The following A3GALT2 variants were observed in gnomAD, a reference collection of about 807,000 sequenced individuals.
The protein encoded by A3GALT2 is alpha-1,3-galactosyltransferase 2.
A neutral mutation model predicts 16.6 loss-of-function variants in A3GALT2; 14 were observed. That is an observed-to-expected ratio of 0.84 (90% CI 0.56 to 1.32). The LOEUF is 1.32. Among genes scored for constraint, A3GALT2 ranks in the 40% most tolerant of loss-of-function variants. A3GALT2 has a pLI of 0.00. For synonymous variants in A3GALT2, 253 were observed against 218.0 expected, an observed-to-expected ratio of 1.16 and a Z score of -1.42; for missense variants, 600 against 490.9, an observed-to-expected ratio of 1.22 and a Z score of -2.10.
At chr1:33,314,864 A>C (rs998625731) in intron 1 of A3GALT2, 1 of 152,222 alleles carries the variant, frequency 6.6e-6, no homozygotes, top group African/African-American at 2.4e-5. Flanking sequence ...AGGCAAATAT[A>C]TGGAAAAATG....
chr1:33,307,123 G>C lies in A3GALT2; in HGVS notation c.666C>G (p.Ser222=). 6.5e-7 allele frequency: 1 copy of C among 1,538,178 alleles called. No individual in the cohort carries two copies. Among genetic ancestry groups the C allele is most frequent in the Non-Finnish European group, 8.7e-7 (1 of 1,144,880 alleles). ...GCCACGACGGCCAGTGGTAGTGCCAGGAGTGCAGCTGCGCCACCGACTCGG... is the reference window on the plus strand; with the variant it reads ...GCCACGACGGCCAGTGGTAGTGCCACGAGTGCAGCTGCGCCACCGACTCGG... ...ALAESVAQLH[S]WHYHWPSWLL... Residue 222 remains serine (S), a synonymous_variant, in exon 5 of 5, where the codon TCC becomes TCG. Coordinates refer to ENST00000442999, the MANE Select transcript of A3GALT2 (RefSeq NM_001080438.1).
At chr1:33,308,515 C>G (rs1200485336) in intron 4 of A3GALT2, among the ~76,000 whole-genome samples, 1 of 152,100 alleles carries the variant, frequency 6.6e-6, no homozygotes, top group Non-Finnish European at 1.5e-5. Flanking sequence ...AAGCGATTCT[C>G]CTGCCTCAGG....
chr1:33,313,039 G>T (rs892715391), intron 1 of A3GALT2, 149 bp from the exon 2 acceptor site: 10 of 681,716 alleles, frequency 1.5e-5, no homozygotes, highest in Non-Finnish European at 2.6e-5. Context: ...TTGTGCAGGG[G>T]CATGACCTTG....
In A3GALT2 at chr1:33,306,934, CTCCAGGCCGCGCGCGCG is replaced by C. The variant is rs1369205697; in HGVS notation, c.838_854del (p.Arg280GlyfsTer?). ...GGTGGCTCTCGTCGTGCCAGCGCGC[CTCCAGGCCGCGCGCGCG>C]GTCCCAGTCCAGGCCCCCCGCACAG... On this transcript the variant is annotated frameshift_variant, in exon 5 of 5. Transcript: ENST00000442999. LOFTEE classifies it low-confidence loss of function (END_TRUNC). 1.3e-6 allele frequency: 2 copies of C among 1,514,416 alleles called. No individual in the cohort carries two copies. The highest frequency in any genetic ancestry group is 2.9e-5 in the African/African-American group (2 of 69,304). The allele number at this position is 1,514,416 out of a possible 1,614,324, so 93.8% of individuals were successfully genotyped here.
intron 3 of A3GALT2, 111 bp from the exon 4 acceptor site, chr1:33,312,300 G>A (rs1359164739): frequency 1.4e-6 from 2 of 1,468,262 alleles, no homozygotes; most frequent in African/African-American, 1.4e-5. Flanking sequence ...AGACCGATGA[G>A]ACCTAGTTGC....
chr1:33,307,683 A>C (rs1427479533), intron 4 of A3GALT2, among the ~76,000 whole-genome samples: 1 of 19,728 alleles, frequency 5.1e-5, no homozygotes, highest in Non-Finnish European at 8.5e-5. Context: ...CGTCATCCCC[A>C]TCTCACCCTA....
chr1:33,308,750 GTTTT>G (rs56655319), intron 4 of A3GALT2, among the ~76,000 whole-genome samples: 3 of 46,128 alleles, frequency 6.5e-5, no homozygotes, highest in Admixed American at 2.4e-4. Flanking sequence ...TGTCAAAGTT[GTTTT>G]TTTTTTTTTT....
chr1:33,307,014 C>G lies in A3GALT2; in HGVS notation c.775G>C (p.Gly259Arg), dbSNP rs1016723247. ...CCGCGCAGCGCCGCCACGCTGCCCC[C>G]GAACACCGCCGCGTGGTTATAGAAG... is the stretch of plus-strand genomic sequence containing the variant. The part of the protein sequence containing the change: ...GDFYNHAAVF[G>R]GSVAALRGLT... Residue 259 changes from glycine to arginine, a missense_variant, in exon 5 of 5, where the codon GGG becomes CGG. Coordinates refer to ENST00000442999, the MANE Select transcript of A3GALT2 (RefSeq NM_001080438.1). 3 of 1,469,622 alleles carry G rather than the reference C, an allele frequency of 2.0e-6. No homozygotes were observed. Among genetic ancestry groups the G allele is most frequent in the South Asian group, 1.3e-5 (1 of 74,830 alleles). The allele number at this position is 1,469,622 out of a possible 1,614,324, so 91.0% of individuals were successfully genotyped here.
chr1:33,317,539 C>T (rs1202113669), intron 1 of A3GALT2, among the ~76,000 whole-genome samples: 1 of 152,150 alleles, frequency 6.6e-6, no homozygotes, highest in Non-Finnish European at 1.5e-5. Context: ...CTCCCAAGTC[C>T]AGCTCCTCCA....
intron 4 of A3GALT2, 130 bp from the exon 5 acceptor site, chr1:33,307,583 C>A: frequency 1.9e-6 from 1 of 530,082 alleles, no homozygotes; most frequent in Non-Finnish European, 2.8e-6. Context: ...CACTCCCACC[C>A]CACCCTCACC....
chr1:33,308,817 G>T (rs1319476593), intron 4 of A3GALT2, among the ~76,000 whole-genome samples: 1 of 131,172 alleles, frequency 7.6e-6, no homozygotes, highest in Non-Finnish European at 1.5e-5. Flanking sequence ...TTCTCAGAGA[G>T]GGGGATTTGG....
chr1:33,312,697 A>G, intron 2 of A3GALT2, 107 bp from the exon 3 acceptor site: 1 of 1,431,722 alleles, frequency 7.0e-7, no homozygotes, highest in Non-Finnish European at 9.7e-7. Context: ...TCACAAGGAC[A>G]CTTGAGCTGA....
Position 33,307,226 on chromosome 1 carries a change from G to A in A3GALT2, c.563C>T (p.Pro188Leu), listed in dbSNP as rs1445446097. ...GAACATGAAGTGCGCCTCGCGGCCC[G>A]GCAGCCCGCCCAGCGCCGCGTGCAA... ...RTLHAALGGL[P>L]GREAHFMFCM... Residue 188 changes from proline (P) to leucine (L), a missense_variant, in exon 5 of 5, where the codon CCG becomes CTG. Physicochemically the swap from Pro to Leu is moderately conservative, Grantham distance 98. Coordinates refer to ENST00000442999, the MANE Select transcript of A3GALT2 (RefSeq NM_001080438.1). The A allele has an allele frequency of 6.0e-6, 9 of 1,497,154 alleles. No homozygotes were observed. Among genetic ancestry groups the A allele is most frequent in the Non-Finnish European group, 8.0e-6 (9 of 1,124,156 alleles). The allele number at this position is 1,497,154 out of a possible 1,614,324, so 92.7% of individuals were successfully genotyped here.
chr1:33,318,552 C>T (rs1345604012), intron 1 of A3GALT2, among the ~76,000 whole-genome samples: 2 of 152,160 alleles, frequency 1.3e-5, no homozygotes, highest in Non-Finnish European at 2.9e-5. Context: ...ATCTGTGCCT[C>T]CTTGTTTCTC....
At chr1:33,310,296 AGAGAGGGAGAGG>A (rs900584028) in intron 4 of A3GALT2, among the ~76,000 whole-genome samples, 6 of 151,742 alleles carry the variant, frequency 4.0e-5, no homozygotes, top group African/African-American at 1.2e-4. Flanking sequence ...GACCGTGGAG[AGAGAGGGAGAGG>A]GAGAGGGAGA....
chr1:33,320,521 C>A lies in A3GALT2; in HGVS notation c.23+555G>T, dbSNP rs920200666. On this transcript the variant is annotated intron_variant, in intron 1 of 4. Coordinates refer to ENST00000442999, the MANE Select transcript of A3GALT2 (RefSeq NM_001080438.1). This position sits in a 1 kb window ranked among gnomAD's most constrained non-coding sequence, Gnocchi z 4.3. The stretch of plus-strand genomic sequence containing the variant: ...CCCCTCCTATGCCCCAGCCTGGGAG[C>A]CCGTGGTCTGTGGAGGCCCCTGATC... Among the ~76,000 whole-genome samples, 1 of 151,992 alleles carries A rather than the reference C, an allele frequency of 6.6e-6. No homozygotes were observed. The highest frequency in any genetic ancestry group is 1.5e-5 in the Non-Finnish European group (1 of 68,022).
Position 33,307,345 on chromosome 1 carries a change from G to C in A3GALT2, c.444C>G (p.Pro148=), listed in dbSNP as rs769401777. Residue 148 remains proline (P), a synonymous_variant, in exon 5 of 5, where the codon CCC becomes CCG. Transcript: ENST00000442999. ...GGCGTCCCGGGCCCAGCGCCACGCG[G>C]GGCACCGCTCCCGGAAGCTCGGTGA... ...YVFTELPGAV[P]RVALGPGRRL... The C allele has an allele frequency of 1.9e-6, 3 of 1,543,856 alleles. No homozygotes were observed. Among genetic ancestry groups the C allele is most frequent in the Admixed American group, 2.0e-5 (1 of 50,332 alleles).
At chr1:33,318,275 G>T (rs544310949) in intron 1 of A3GALT2, among the ~76,000 whole-genome samples, 2 of 152,302 alleles carry the variant, frequency 1.3e-5, no homozygotes, top group East Asian at 3.9e-4. Context: ...ATTCGGATGT[G>T]CTGGTTTAAA....
At chr1:33,318,653 G>C (rs993932553) in intron 1 of A3GALT2, among the ~76,000 whole-genome samples, 3 of 151,994 alleles carry the variant, frequency 2.0e-5, no homozygotes, top group African/African-American at 7.3e-5. Context: ...CCCCACCTCT[G>C]TATTCTGTTC....
Sources: allele counts gnomAD v4.1 joint callset (sites outside exome capture counted in the v4.1 genomes callset), GRCh38; gene constraint gnomAD v4.1.1; non-coding constraint Gnocchi (gnomAD v3.1); transcripts MANE v1.5; gene names NCBI Gene and HGNC (gene_info 2026-07-23, HGNC 2026-07-21).